The following NAV3 variants were observed in gnomAD, a reference collection of about 807,000 sequenced individuals.
The protein encoded by NAV3 is pore membrane and/or filament interacting like protein 1.
Under a neutral mutation model 244.7 loss-of-function variants are expected in NAV3, and 87 were observed. That is an observed-to-expected ratio of 0.36 (90% CI 0.30 to 0.42). The LOEUF (loss-of-function observed/expected upper bound fraction) is 0.42, where lower values mean the gene tolerates loss of function less well. Among genes scored for constraint, NAV3 ranks in the 20% least tolerant of loss-of-function variants. The pLI, the probability that NAV3 is intolerant of heterozygous loss-of-function variation, is 1.00. For synonymous variants in NAV3, 1,126 were observed against 1,042.2 expected (o/e 1.08, Z -1.55); for missense variants, 2,663 against 2,893.3 (o/e 0.92, Z 1.83).
intron 12 of NAV3, among the ~76,000 whole-genome samples, chr12:78,081,775 C>T (rs922123849): frequency 6.6e-6 from 1 of 152,150 alleles, no homozygotes; most frequent in African/African-American, 2.4e-5. Context: ...GCTGAGCCTT[C>T]CACACTCAAG....
At position 78,119,958 on chromosome 12, in the gene NAV3, A is replaced by G; in HGVS notation, c.3749+13A>G. 1 of 1,593,086 alleles carries G rather than the reference A, an allele frequency of 6.3e-7. No homozygotes were observed. ...CCACATTTCGAAGGTAAGGATGTAT[A>G]AAATGATGCTGGAAAAATATAAAGG... On this transcript the variant is annotated intron_variant, in intron 15 of 39. Coordinates refer to ENST00000397909, the MANE Select transcript of NAV3 (RefSeq NM_001024383.2).
intron 18 of NAV3, among the ~76,000 whole-genome samples, chr12:78,135,996 A>G (rs1272357056): frequency 6.6e-6 from 1 of 152,160 alleles, no homozygotes. Context: ...TAATTCGGTT[A>G]ATACCAGGAT....
chr12:78,184,727 G>T (rs181853141), intron 30 of NAV3, among the ~76,000 whole-genome samples: 1 of 151,690 alleles, frequency 6.6e-6, no homozygotes, highest in African/African-American at 2.4e-5. Context: ...TGTCAGAGCA[G>T]TTGAGTCCTC....
rs541770946 is a variant in NAV3, at chr12:78,205,401, T to A, written c.7038+263T>A. ...TTCTCTTATTATGCATTAAATTGTG[T>A]ATATAATTAAATAAATATAATTTTC... On this transcript the variant is annotated intron_variant, in intron 39 of 39. Transcript: ENST00000397909. Among the ~76,000 whole-genome samples the A allele has an allele frequency of 6.6e-5, 10 of 152,164 alleles. No individual in the cohort carries two copies. The East Asian group carries it at 1.7e-3, about 26-fold the overall frequency.
At chr12:78,194,578 C>G (rs1594001593) in intron 34 of NAV3, among the ~76,000 whole-genome samples, 1 of 152,004 alleles carries the variant, frequency 6.6e-6, no homozygotes, top group Admixed American at 6.6e-5. Context: ...CTTGCTTCTT[C>G]CTTTCAATAT....
intron 3 of NAV3, among the ~76,000 whole-genome samples, chr12:77,945,131 A>T (rs1415734992): frequency 8.2e-6 from 1 of 121,388 alleles, no homozygotes; most frequent in Admixed American, 7.8e-5. Flanking sequence ...GAAAAAAAAA[A>T]AATAAATAGC....
In NAV3 at chr12:77,770,742, C is replaced by A. The variant is rs201908470; in HGVS notation, c.73-169577C>A. Among the ~76,000 whole-genome samples the A allele has an allele frequency of 3.7e-4, 56 of 152,238 alleles. No individual in the cohort carries two copies. In the East Asian group the frequency reaches 9.8e-3, roughly 27 times the overall value. Reference sequence around the variant, plus strand: ...AAGCTGAAACTGGATCCCTTCCTTACACCTTATACAAAAATTAATTCAAGA... The same window carrying A: ...AAGCTGAAACTGGATCCCTTCCTTAAACCTTATACAAAAATTAATTCAAGA... On this transcript the variant is annotated intron_variant, in intron 2 of 8. Coordinates refer to the NAV3 transcript ENST00000550042.
chr12:78,157,243 T>C (rs1464732317), intron 22 of NAV3, among the ~76,000 whole-genome samples: 2 of 152,018 alleles, frequency 1.3e-5, no homozygotes. Flanking sequence ...TGTGGATTTT[T>C]CCACAGTTGA....
intron 1 of NAV3, among the ~76,000 whole-genome samples, chr12:77,938,931 C>CGTGTGTGTGTGTGT (rs35392593): frequency 0.011 from 1,562 of 142,562 alleles, 12 homozygotes; most frequent in South Asian, 0.018. Flanking sequence ...AATGTGATCT[C>CGTGTGTGTGTGTGT]GTGTGTGTGT....
chr12:78,131,190 C>T (rs767904244), intron 18 of NAV3, among the ~76,000 whole-genome samples: 1 of 152,152 alleles, frequency 6.6e-6, no homozygotes, highest in Non-Finnish European at 1.5e-5. Flanking sequence ...TCAGCCAGGA[C>T]AAGACTCAAG....
intron 2 of NAV3, among the ~76,000 whole-genome samples, chr12:77,746,225 G>A (rs996061364): frequency 5.3e-5 from 8 of 151,930 alleles, no homozygotes; most frequent in African/African-American, 1.9e-4. Context: ...AATATATTTG[G>A]CTTAGCAAAC....
chr12:78,108,561 A>G (rs1954924617), intron 12 of NAV3, among the ~76,000 whole-genome samples: 2 of 152,188 alleles, frequency 1.3e-5, no homozygotes. Flanking sequence ...GTTAGGCCAC[A>G]AATCATGTCT....
rs1199481996 is a variant in NAV3, at chr12:78,059,216, TTTTTATTTTGATAAATAATTA to T, written c.2636+126_2636+146del. 1.4e-4 allele frequency: 143 copies of T among 1,024,458 alleles called. 1 individual carries two copies. The highest frequency in any genetic ancestry group is 1.8e-4 in the Non-Finnish European group (134 of 731,296). 63.5% of individuals were successfully genotyped at this position (1,024,458 alleles called of 1,614,324 possible). On this transcript the variant is annotated intron_variant, in intron 12 of 39. Coordinates refer to ENST00000397909, the MANE Select transcript of NAV3 (RefSeq NM_001024383.2). Reference sequence around the variant, plus strand: ...TATTAAACAGTGTAAATCAAAGGACTTTTTATTTTGATAAATAATTATTTTATTTTGATAAATAATTATTTA... The same window carrying T: ...TATTAAACAGTGTAAATCAAAGGACTTTTTATTTTGATAAATAATTATTTA...
At chr12:77,590,824 G>T (rs985739313) in intron 2 of NAV3, among the ~76,000 whole-genome samples, 2 of 152,226 alleles carry the variant, frequency 1.3e-5, no homozygotes, top group African/African-American at 4.8e-5. Flanking sequence ...ATCTGGGTAT[G>T]AGTGCAAAGA....
intron 2 of NAV3, among the ~76,000 whole-genome samples, chr12:77,684,625 C>T (rs1451944808): frequency 2.0e-5 from 3 of 151,984 alleles, no homozygotes; most frequent in Non-Finnish European, 4.4e-5. Context: ...GCCCAGCCTA[C>T]TTTTAATTTT....
rs866021029 is a variant in NAV3 at position 78,118,073 on chromosome 12, A to G, written c.2816A>G (p.Asp939Gly). The change falls in exon 14 of 40, where the codon GAT becomes GGT. Residue 939 changes from aspartate to glycine, a missense_variant. This residue lies in a region of NAV3 where 1,521 missense variants were observed against 1,497.0 expected (regional missense o/e 1.02). Transcript: ENST00000397909. ...CGCTCCACCACAGACGAGACCTGGG[A>G]TAGTCCTGAGGAACTGAAAAAACCA... ...EKRSTTDETW[D>G]SPEELKKPEE... The G allele has an allele frequency of 6.2e-7, 1 of 1,614,068 alleles. No homozygotes were observed. The highest frequency in any genetic ancestry group is 1.3e-5 in the African/African-American group (1 of 75,038).
At chr12:77,744,256 T>C (rs535700245) in intron 2 of NAV3, among the ~76,000 whole-genome samples, 28 of 152,102 alleles carry the variant, frequency 1.8e-4, no homozygotes, top group African/African-American at 6.3e-4. Context: ...AATGCGGAAG[T>C]AGACCCACAC....
intron 1 of NAV3, among the ~76,000 whole-genome samples, chr12:77,875,158 A>G (rs1247651243): frequency 6.6e-6 from 1 of 152,078 alleles, no homozygotes; most frequent in African/African-American, 2.4e-5. Context: ...TATTTTTGAG[A>G]AAGTCCTTTA....
At chr12:77,746,865 C>T (rs537694079) in intron 2 of NAV3, among the ~76,000 whole-genome samples, 1 of 152,078 alleles carries the variant, frequency 6.6e-6, no homozygotes. Context: ...TCCTGTGTTA[C>T]TATTTCTACT....
Sources: gnomAD v4.1 joint callset for allele counts (sites outside exome capture counted in the v4.1 genomes callset) on GRCh38, gnomAD v4.1.1 for gene constraint, gnomAD v4.1.1 regional missense constraint, MANE v1.5 for transcripts, NCBI Gene and HGNC (gene_info 2026-07-23, HGNC 2026-07-21) for gene names.